SHISA9: variants seen among roughly 807,000 people sequenced by gnomAD.
SHISA9 encodes shisa family member 9.
SHISA9 carries 13 observed loss-of-function variants against 38.0 expected under a neutral mutation model. The observed-to-expected ratio is 0.34, with a 90% CI of 0.22 to 0.54. The LOEUF (loss-of-function observed/expected upper bound fraction) is 0.54. Ranked by LOEUF, SHISA9 falls within the 20% of genes least tolerant of loss-of-function variation. The pLI is 0.91. For synonymous variants in SHISA9, 275 were observed against 242.0 expected (o/e 1.14, Z -1.27); for missense variants, 538 against 575.8 (o/e 0.93, Z 0.67).
chr16:13,151,503 G>A (rs1018959369), intron 2 of SHISA9, among the ~76,000 whole-genome samples: 32 of 152,084 alleles, frequency 2.1e-4, no homozygotes, highest in Admixed American at 6.5e-4. Flanking sequence ...AGACCCTACA[G>A]CTGTAGGCTT....
At chr16:13,121,009 A>G (rs544420380) in intron 2 of SHISA9, among the ~76,000 whole-genome samples, 2 of 151,936 alleles carry the variant, frequency 1.3e-5, no homozygotes, top group East Asian at 3.9e-4. Flanking sequence ...TCCCTGGCCC[A>G]CTGCAGGGCT....
chr16:13,129,415 A>G (rs1182467938), intron 2 of SHISA9, among the ~76,000 whole-genome samples: 1 of 152,176 alleles, frequency 6.6e-6, no homozygotes, highest in Non-Finnish European at 1.5e-5. Flanking sequence ...TGACCAGCAG[A>G]CAAGGGGAGA....
intron 2 of SHISA9, among the ~76,000 whole-genome samples, chr16:13,098,278 C>G (rs964074751): frequency 5.3e-5 from 8 of 152,202 alleles, no homozygotes; most frequent in African/African-American, 1.9e-4. Flanking sequence ...CAAAAATACA[C>G]TCCCTGCTGG....
chr16:13,331,277 G>T, the SHISA9 span: 1 of 152,044 alleles, frequency 6.6e-6, no homozygotes, highest in Non-Finnish European at 1.5e-5. Flanking sequence ...GGTCAGTTCT[G>T]GGGGTTCCTG....
chr16:13,549,956 G>C, the SHISA9 span, among the ~76,000 whole-genome samples: 53 of 151,622 alleles, frequency 3.5e-4, 1 homozygote, highest in Admixed American at 3.4e-3. Context: ...CCAGGAGGCA[G>C]AGGTTGCAGT....
rs149512177 is a variant in SHISA9, at chr16:13,204,321, A to T, written c.847+772A>T. On this transcript the variant is annotated intron_variant, in intron 3 of 4. Coordinates refer to ENST00000558583, the MANE Select transcript of SHISA9 (RefSeq NM_001145204.3). The stretch of plus-strand genomic sequence containing the variant: ...CAGAGACCCTCAGCTGCTTTCTCTG[A>T]CCTAGAACAAGTTCTACATTGCTGT... 3.4e-4 allele frequency among the ~76,000 whole-genome samples: 51 copies of T among 152,166 alleles called. No homozygotes were observed. The East Asian group carries it at 9.7e-3, about 29-fold the overall frequency.
At chr16:13,080,364 C>A (rs1193308379) in intron 2 of SHISA9, among the ~76,000 whole-genome samples, 1 of 152,184 alleles carries the variant, frequency 6.6e-6, no homozygotes, top group Non-Finnish European at 1.5e-5. Flanking sequence ...TAGAGTGAGA[C>A]TCCGTCTCAA....
chr16:13,007,353 C>A (rs2072611186), intron 2 of SHISA9, among the ~76,000 whole-genome samples: 1 of 152,124 alleles, frequency 6.6e-6, no homozygotes, highest in Non-Finnish European at 1.5e-5. Flanking sequence ...CAACCTCCCA[C>A]CCCCAATAGG....
At chr16:13,444,982 CTATATATATATA>C in the SHISA9 span, among the ~76,000 whole-genome samples, 1,550 of 106,198 alleles carry the variant, frequency 0.015, 32 homozygotes, top group African/African-American at 0.03. Context: ...CCATGCCTAG[CTATATATATATA>C]TATATATATA....
chr16:13,110,501 G>A (rs898565689), intron 2 of SHISA9, among the ~76,000 whole-genome samples: 1 of 152,162 alleles, frequency 6.6e-6, no homozygotes, highest in Non-Finnish European at 1.5e-5. Flanking sequence ...TGTTTCTCTG[G>A]GACAAATGAG....
the SHISA9 span, among the ~76,000 whole-genome samples, chr16:13,482,268 C>A: frequency 1.3e-5 from 2 of 152,246 alleles, no homozygotes; most frequent in African/African-American, 4.8e-5. Flanking sequence ...CTACTGAAGA[C>A]CACAGTGCCT....
chr16:13,131,044 G>C (rs1181110828), intron 2 of SHISA9, among the ~76,000 whole-genome samples: 4 of 152,178 alleles, frequency 2.6e-5, no homozygotes, highest in Non-Finnish European at 4.4e-5. Context: ...CATTGTGGAA[G>C]ACAGTGTGGC....
chr16:13,041,628 C>G (rs1471577935), intron 2 of SHISA9, among the ~76,000 whole-genome samples: 1 of 152,186 alleles, frequency 6.6e-6, no homozygotes, highest in East Asian at 1.9e-4. Flanking sequence ...AGAAAGCATT[C>G]TGATCAAGTT....
chr16:13,416,198 T>C, the SHISA9 span, among the ~76,000 whole-genome samples: 50 of 152,186 alleles, frequency 3.3e-4, no homozygotes, highest in Non-Finnish European at 6.3e-4. Flanking sequence ...TGAAGGCTTA[T>C]AGAAAGAGTT....
chr16:12,981,178 G>A (rs2072235261), intron 2 of SHISA9, among the ~76,000 whole-genome samples: 1 of 152,228 alleles, frequency 6.6e-6, no homozygotes, highest in Non-Finnish European at 1.5e-5. Flanking sequence ...CCCCAAGTCA[G>A]CCCCAGTGAG....
downstream of SHISA9, among the ~76,000 whole-genome samples, chr16:13,240,920 G>A (rs1002107704): frequency 7.9e-5 from 12 of 151,574 alleles, no homozygotes; most frequent in Non-Finnish European, 1.2e-4. Flanking sequence ...AGATTAGGAT[G>A]TGAGAAATGA....
At chr16:13,079,164 G>A (rs2073618695) in intron 2 of SHISA9, among the ~76,000 whole-genome samples, 2 of 152,184 alleles carry the variant, frequency 1.3e-5, no homozygotes, top group South Asian at 2.1e-4. Context: ...CCCTTGGCAC[G>A]TAGAAGACAC....
At chr16:13,218,662 T>C (rs972588962) in intron 4 of SHISA9, among the ~76,000 whole-genome samples, 1 of 152,192 alleles carries the variant, frequency 6.6e-6, no homozygotes, top group African/African-American at 2.4e-5. Flanking sequence ...CTGCCATGTC[T>C]CTTTAAGAGG....
At chr16:13,136,272 T>A (rs1465896173) in intron 2 of SHISA9, among the ~76,000 whole-genome samples, 1 of 152,074 alleles carries the variant, frequency 6.6e-6, no homozygotes, top group Non-Finnish European at 1.5e-5. Flanking sequence ...AGTCTGAGGA[T>A]TAAATGAACT....
Sources: gnomAD v4.1 joint callset for allele counts (sites outside exome capture counted in the v4.1 genomes callset) on GRCh38, gnomAD v4.1.1 for gene constraint, MANE v1.5 for transcripts, NCBI Gene and HGNC (gene_info 2026-07-23, HGNC 2026-07-21) for gene names.